TLL1: variants seen among roughly 807,000 people sequenced by gnomAD.
The protein encoded by TLL1 is tolloid like 1.
In TLL1, 49 loss-of-function variants were observed where a neutral mutation model predicts 128.2. The observed-to-expected ratio is 0.38, with a 90% CI of 0.30 to 0.48. TLL1 has a LOEUF of 0.48. TLL1 is among the 20% of genes least tolerant of loss of function. TLL1 has a pLI of 0.96. For synonymous variants in TLL1, 454 were observed against 418.8 expected (o/e 1.08, Z -1.03); for missense variants, 1,123 against 1,242.0 (o/e 0.90, Z 1.44).
At position 166,030,589 on chromosome 4, in the gene TLL1, G is replaced by A. The variant is rs548884740; in HGVS notation, c.1158+5158G>A. On this transcript the variant is annotated intron_variant, in intron 9 of 20. Coordinates refer to ENST00000061240, the MANE Select transcript of TLL1 (RefSeq NM_012464.5). ...CCAAGAAATCATGGCCATATGTAAT[G>A]ACATGAAGTTTTTACCCTGTGTTTT... 2.0e-5 allele frequency: 11 copies of A among 555,338 alleles called. No individual in the cohort carries two copies. The South Asian group carries it at 4.0e-4, about 20-fold the overall frequency. 34.4% of individuals were successfully genotyped at this position (555,338 alleles called of 1,614,324 possible).
At chr4:165,885,893 T>C (rs1731145525) in intron 1 of TLL1, among the ~76,000 whole-genome samples, 1 of 152,170 alleles carries the variant, frequency 6.6e-6, no homozygotes. Context: ...GATATATCCT[T>C]ATATTAATTA....
At position 165,873,832 on chromosome 4, in the gene TLL1, C is replaced by A; in HGVS notation, c.-73C>A. 2 of 1,572,472 alleles carry A rather than the reference C, an allele frequency of 1.3e-6. No homozygotes were observed. Among genetic ancestry groups the A allele is most frequent in the Non-Finnish European group, 1.7e-6 (2 of 1,145,752 alleles). ...GGAGAAGAGCACCGGTGCCCCTAGC[C>A]CCGCACATCAGCGCGGACCGCGGCT... is the stretch of plus-strand genomic sequence containing the variant. On this transcript the variant is annotated 5_prime_UTR_variant, in exon 1 of 21. Transcript: ENST00000061240.
rs79142440 is a variant in TLL1, at chr4:166,002,418, A to C, written c.633-973A>C. Among the ~76,000 whole-genome samples the C allele has an allele frequency of 1.8e-3, 277 of 152,052 alleles. 3 individuals carry two copies. The East Asian group carries it at 0.049, about 27-fold the overall frequency. ...CTTTACTGTTAACCTTACTTAATTCATCTTTTGAAAATAATGTTCTTTCCT... is the reference window on the plus strand; with the variant it reads ...CTTTACTGTTAACCTTACTTAATTCCTCTTTTGAAAATAATGTTCTTTCCT... On this transcript the variant is annotated intron_variant, in intron 5 of 20. Transcript: ENST00000061240.
chr4:165,903,765 A>AT (rs10679067), intron 1 of TLL1, among the ~76,000 whole-genome samples: 1 of 150,992 alleles, frequency 6.6e-6, no homozygotes, highest in African/African-American at 2.4e-5. Flanking sequence ...ACACACACAC[A>AT]AATAATAATA....
intron 19 of TLL1, among the ~76,000 whole-genome samples, chr4:166,093,198 C>A (rs1243459561): frequency 7.2e-5 from 11 of 152,100 alleles, no homozygotes; most frequent in Admixed American, 2.0e-4. Context: ...CTTAGCACAC[C>A]AAGGACCTGC....
chr4:165,889,454 A>T (rs1043265868), intron 1 of TLL1, among the ~76,000 whole-genome samples: 16 of 152,202 alleles, frequency 1.1e-4, no homozygotes, highest in Non-Finnish European at 1.8e-4. Context: ...AAATTTTTGT[A>T]CCTTTCACTT....
At chr4:166,018,333 A>T (rs911883704) in intron 8 of TLL1, among the ~76,000 whole-genome samples, 4 of 152,114 alleles carry the variant, frequency 2.6e-5, no homozygotes, top group Admixed American at 2.6e-4. Flanking sequence ...TAAATGTGAG[A>T]CCTCAAACTA....
At chr4:166,001,711 C>A (rs1368481349) in intron 5 of TLL1, among the ~76,000 whole-genome samples, 22 of 151,168 alleles carry the variant, frequency 1.5e-4, no homozygotes, top group Admixed American at 7.3e-4. Flanking sequence ...TCAGGAGAAT[C>A]ACTTGAACCT....
intron 1 of TLL1, among the ~76,000 whole-genome samples, chr4:165,979,704 C>T (rs1223715282): frequency 6.6e-6 from 1 of 152,126 alleles, no homozygotes; most frequent in Non-Finnish European, 1.5e-5. Flanking sequence ...AGGAGAATTT[C>T]TTGAGCCCAA....
chr4:166,032,737 T>C (rs1738826632), intron 9 of TLL1, among the ~76,000 whole-genome samples: 1 of 152,120 alleles, frequency 6.6e-6, no homozygotes, highest in African/African-American at 2.4e-5. Flanking sequence ...GAGTTGAAAA[T>C]AAGAAAATTT....
chr4:166,083,561 CT>C (rs1382190227), intron 18 of TLL1, among the ~76,000 whole-genome samples: 1 of 123,060 alleles, frequency 8.1e-6, no homozygotes, highest in East Asian at 2.7e-4. Flanking sequence ...CCACCCTAGC[CT>C]TTGGTCAACA....
intron 16 of TLL1, among the ~76,000 whole-genome samples, chr4:166,070,222 T>G (rs79825367): frequency 0.11 from 15,950 of 151,856 alleles, 1,058 homozygotes; most frequent in Middle Eastern, 0.18. Flanking sequence ...GTATACATGA[T>G]GCAATTTACT....
At chr4:166,080,560 T>C (rs1272772962) in intron 18 of TLL1, among the ~76,000 whole-genome samples, 1 of 152,120 alleles carries the variant, frequency 6.6e-6, no homozygotes, top group Non-Finnish European at 1.5e-5. Context: ...CTCTTAGCAG[T>C]GTTGTTTTTA....
intron 1 of TLL1, among the ~76,000 whole-genome samples, chr4:165,970,629 A>G (rs1432719673): frequency 6.6e-6 from 1 of 152,094 alleles, no homozygotes; most frequent in East Asian, 1.9e-4. Context: ...TACTTTTTTA[A>G]CCTATTCAAA....
In TLL1 at chr4:165,926,401, A is replaced by T. The variant is rs1579495777; in HGVS notation, c.169+52328A>T. 1.3e-5 allele frequency among the ~76,000 whole-genome samples: 2 copies of T among 152,300 alleles called. 1 individual carries two copies. Among genetic ancestry groups the T allele is most frequent in the East Asian group, 3.9e-4 (2 of 5,178 alleles). On this transcript the variant is annotated intron_variant, in intron 1 of 20. Transcript: ENST00000061240. ...AACACGCGAGTGACTTAAAATTTGC[A>T]CGAGAACTGGAATTTGGATATAGTA... is the stretch of plus-strand genomic sequence containing the variant.
chr4:166,057,659 A>C (rs1198895728), intron 14 of TLL1, among the ~76,000 whole-genome samples: 2 of 152,198 alleles, frequency 1.3e-5, no homozygotes, highest in African/African-American at 4.8e-5. Flanking sequence ...TAATGGACTC[A>C]CAGTTCCACA....
intron 1 of TLL1, among the ~76,000 whole-genome samples, chr4:165,964,329 TAGTA>T (rs1449102910): frequency 6.6e-6 from 1 of 152,202 alleles, no homozygotes; most frequent in Non-Finnish European, 1.5e-5. Context: ...TAGTTACACA[TAGTA>T]AGTTAGTTAT....
chr4:166,089,813 C>A (rs114345794), intron 18 of TLL1, among the ~76,000 whole-genome samples: 1 of 151,958 alleles, frequency 6.6e-6, no homozygotes, highest in Non-Finnish European at 1.5e-5. Flanking sequence ...TGGAAAGAGA[C>A]AAAAGAGAGA....
chr4:166,062,354 G>A (rs1220352230), intron 15 of TLL1, among the ~76,000 whole-genome samples: 1 of 152,108 alleles, frequency 6.6e-6, no homozygotes, highest in Non-Finnish European at 1.5e-5. Flanking sequence ...CCATGAGCAT[G>A]GAATGTTCTT....
Sources: allele counts gnomAD v4.1 joint callset (sites outside exome capture counted in the v4.1 genomes callset), GRCh38; gene constraint gnomAD v4.1.1; transcripts MANE v1.5; gene names NCBI Gene and HGNC (gene_info 2026-07-23, HGNC 2026-07-21).